IGLL5: variants seen among roughly 807,000 people sequenced by gnomAD.
IGLL5 encodes the protein immunoglobulin lambda-like polypeptide 5.
Under a neutral mutation model 20.9 loss-of-function variants are expected in IGLL5, and 30 were observed. That is an observed-to-expected ratio of 1.44 (90% confidence interval 1.07 to 1.95). IGLL5 has a LOEUF of 1.95. IGLL5 is among the 30% of genes most tolerant of loss of function. IGLL5 has a pLI of 0.00. For missense variants in IGLL5, 475 were observed against 270.7 expected (o/e 1.75, Z -5.30); for synonymous variants, 203 against 117.3 (o/e 1.73, Z -4.72).
In IGLL5 at chr22:22,893,834, C is replaced by T. The variant is rs770343485; in HGVS notation, c.325+16C>T. On this transcript the variant is annotated intron_variant, in intron 2 of 2. Transcript: ENST00000526893. ...ACCGTCCTAGGTAAGTGGCTCTCAA[C>T]CTTTCCCAGCCTGTCTCACCCTCTG... is the stretch of plus-strand genomic sequence containing the variant. 17 of 1,500,722 alleles carry T rather than the reference C, an allele frequency of 1.1e-5. 1 individual carries two copies. The highest frequency in any genetic ancestry group is 6.7e-5 in the Admixed American group (4 of 59,666). The allele number at this position is 1,500,722 out of a possible 1,614,324, so 93.0% of individuals were successfully genotyped here.
intron 1 of IGLL5, among the ~76,000 whole-genome samples, chr22:22,889,123 C>T (rs1391876624): frequency 2.0e-5 from 3 of 150,942 alleles, no homozygotes; most frequent in South Asian, 2.1e-4. Context: ...AAATCAGCAC[C>T]GGATTGGAGG....
At position 22,893,911 on chromosome 22, in the gene IGLL5, T is replaced by C. The variant is rs2067946235; in HGVS notation, c.325+93T>C. 9 of 894,532 alleles carry C rather than the reference T, an allele frequency of 1.0e-5. 1 individual carries two copies. Among genetic ancestry groups the C allele is most frequent in the East Asian group, 2.4e-5 (1 of 41,310 alleles). 55.4% of individuals were successfully genotyped at this position (894,532 alleles called of 1,614,324 possible). A position where few individuals can be genotyped will look rare whatever the true frequency, so the allele number is the denominator to read the frequency against. On this transcript the variant is annotated intron_variant, in intron 2 of 2. Coordinates refer to ENST00000526893, the MANE Select transcript of IGLL5 (RefSeq NM_001178126.2). ...CTCTGGGGCTTCCTCCCCTCTGTCC[T>C]CCCAGCCTTAAGCACTGACCCTTAC...
At chr22:22,889,444 G>C (rs536030297) in intron 1 of IGLL5, among the ~76,000 whole-genome samples, 1 of 151,168 alleles carries the variant, frequency 6.6e-6, no homozygotes, top group Non-Finnish European at 1.5e-5. Flanking sequence ...TTATCCTAAG[G>C]GTTGGTTGGG....
chr22:22,888,926 T>G (rs2067665262), intron 1 of IGLL5, among the ~76,000 whole-genome samples: 1 of 151,230 alleles, frequency 6.6e-6, no homozygotes, highest in African/African-American at 2.4e-5. Context: ...TGGCTGGTGA[T>G]GGGTGCCCCC....
intron 1 of IGLL5, among the ~76,000 whole-genome samples, chr22:22,888,598 A>T (rs1011216073): frequency 4.0e-5 from 6 of 151,300 alleles, no homozygotes; most frequent in South Asian, 4.2e-4. Context: ...GGTGGTGGCC[A>T]CTGTCCCCAC....
chr22:22,888,946 A>C, intron 1 of IGLL5, among the ~76,000 whole-genome samples: 1 of 151,354 alleles, frequency 6.6e-6, no homozygotes, highest in Non-Finnish European at 1.5e-5. Flanking sequence ...CAAAAGACAG[A>C]GCAGCGTCAG....
chr22:22,889,943 AAT>A (rs2067764824), intron 1 of IGLL5, among the ~76,000 whole-genome samples: 1 of 151,216 alleles, frequency 6.6e-6, no homozygotes. Flanking sequence ...CCTGTCAGAA[AAT>A]ATAGAAAAAT....
rs549227102 is a variant in IGLL5, at chr22:22,895,797, A to G, written c.*103A>G. On this transcript the variant is annotated 3_prime_UTR_variant, in exon 3 of 3. Transcript: ENST00000526893. ...TCATCCAGCCCTTCTCCCTGCACTC[A>G]TGAAACCCCAATAAATATCCTCATT... is the stretch of plus-strand genomic sequence containing the variant. 9.7e-7 allele frequency: 1 copy of G among 1,029,204 alleles called. No individual in the cohort carries two copies. The highest frequency in any genetic ancestry group is 1.9e-5 in the Admixed American group (1 of 53,366). 63.8% of individuals were successfully genotyped at this position (1,029,204 alleles called of 1,614,324 possible).
In IGLL5 at chr22:22,888,008, C is replaced by T. The variant is rs536351655; in HGVS notation, c.-46C>T. 6.1e-6 allele frequency: 9 copies of T among 1,465,522 alleles called. 1 individual carries two copies. Among genetic ancestry groups the T allele is most frequent in the East Asian group, 2.5e-5 (1 of 40,262 alleles). The allele number at this position is 1,465,522 out of a possible 1,614,324, so 90.8% of individuals were successfully genotyped here. A position where few individuals can be genotyped will look rare whatever the true frequency, so the allele number is the denominator to read the frequency against. On this transcript the variant is annotated 5_prime_UTR_variant, in exon 1 of 3. Coordinates refer to ENST00000526893, the MANE Select transcript of IGLL5 (RefSeq NM_001178126.2). ...GACCAGGGCACCGTCCTCCAGGGAG[C>T]CCATGCTGCAAGTCGGGCCAGAGGT...
chr22:22,893,861 T>C (rs746710164), intron 2 of IGLL5, 43 bp downstream of exon 2: 3 of 1,328,004 alleles, frequency 2.3e-6, no homozygotes, highest in Admixed American at 1.7e-5. Flanking sequence ...CACCCTCTGC[T>C]GTCCCTGGAA....
chr22:22,894,343 A>G (rs2068019602), intron 2 of IGLL5, among the ~76,000 whole-genome samples: 1 of 151,422 alleles, frequency 6.6e-6, no homozygotes, highest in Non-Finnish European at 1.5e-5. Flanking sequence ...GAGGGCACAG[A>G]GAGGGCTCTG....
intron 1 of IGLL5, among the ~76,000 whole-genome samples, chr22:22,889,256 G>A (rs879496957): frequency 6.6e-6 from 1 of 151,068 alleles, no homozygotes; most frequent in Admixed American, 6.6e-5. Flanking sequence ...AGAGCACCCA[G>A]GGGCCCAGTT....
At chr22:22,888,804 G>C (rs577702820) in intron 1 of IGLL5, among the ~76,000 whole-genome samples, 1 of 151,466 alleles carries the variant, frequency 6.6e-6, no homozygotes, top group South Asian at 2.1e-4. Context: ...ATGAACCGAG[G>C]GGAGCTGTCC....
chr22:22,893,106 C>G (rs555032343), intron 1 of IGLL5, among the ~76,000 whole-genome samples: 1 of 150,862 alleles, frequency 6.6e-6, no homozygotes, highest in South Asian at 2.1e-4. Context: ...GAGCTGTTGT[C>G]GGATGAATGA....
chr22:22,894,176 A>G (rs1601624227), intron 2 of IGLL5, among the ~76,000 whole-genome samples: 6 of 151,444 alleles, frequency 4.0e-5, no homozygotes, highest in South Asian at 4.2e-4. Flanking sequence ...TCAAGGACAG[A>G]GGCTGCTGGG....
At position 22,894,382 on chromosome 22, in the gene IGLL5, C is replaced by T. The variant is rs192361607; in HGVS notation, c.325+564C>T. Among the ~76,000 whole-genome samples the T allele has an allele frequency of 2.5e-4, 38 of 151,200 alleles. 1 individual carries two copies. The highest frequency in any genetic ancestry group is 3.8e-3 in the Middle Eastern group (1 of 262). ...CTAGGCTGCAGCTCTGTGGCCTGTGCTGGGTCATGAGGACATGGGGACACA... is the reference window on the plus strand; with the variant it reads ...CTAGGCTGCAGCTCTGTGGCCTGTGTTGGGTCATGAGGACATGGGGACACA... On this transcript the variant is annotated intron_variant, in intron 2 of 2. Transcript: ENST00000526893.
At chr22:22,888,545 T>C (rs1284716044) in intron 1 of IGLL5, among the ~76,000 whole-genome samples, 3 of 151,408 alleles carry the variant, frequency 2.0e-5, no homozygotes, top group East Asian at 2.0e-4. Flanking sequence ...CCTAGTCCTC[T>C]GGGTAGGGAA....
chr22:22,888,226 GCAGCCGATC>G lies in IGLL5; in HGVS notation c.179_187del (p.Arg60_Ser62del), dbSNP rs750568536. On this transcript the variant is annotated inframe_deletion, in exon 1 of 3. Coordinates refer to ENST00000526893, the MANE Select transcript of IGLL5 (RefSeq NM_001178126.2). ...CCAGACCCTGGAGCCTCAGTTGGAA[GCAGCCGATC>G]CAGCCTGCGGAGCCTGTGGGGCAGG... 6.5e-7 allele frequency: 1 copy of G among 1,548,210 alleles called. No individual in the cohort carries two copies.
chr22:22,894,482 T>A (rs2068037340), intron 2 of IGLL5, among the ~76,000 whole-genome samples: 1 of 151,402 alleles, frequency 6.6e-6, no homozygotes, highest in Admixed American at 6.6e-5. Context: ...AGACAGTCTC[T>A]TAGGGCAGAG....
Sources: gnomAD v4.1 joint callset for allele counts (sites outside exome capture counted in the v4.1 genomes callset) on GRCh38, gnomAD v4.1.1 for gene constraint, MANE v1.5 for transcripts, NCBI Gene and HGNC (gene_info 2026-07-23, HGNC 2026-07-21) for gene names.